Variants in PARP1 observed in about 807,000 individuals in gnomAD.
PARP1 encodes the protein poly(ADP-ribose) polymerase 1, also known as poly [ADP-ribose] polymerase 1.
A neutral mutation model predicts 118.7 loss-of-function variants in PARP1; 44 were observed. The ratio of observed to expected loss-of-function variants is 0.37; its 90% confidence interval spans 0.29 to 0.48. The LOEUF is 0.48. Ranked by LOEUF, PARP1 falls within the 20% of genes least tolerant of loss-of-function variation. The pLI is 0.99. For missense variants in PARP1, 1,100 were observed against 1,272.4 expected, an observed-to-expected ratio of 0.86 and a Z score of 2.06; for synonymous variants, 492 against 483.2, an observed-to-expected ratio of 1.02 and a Z score of -0.24.
At chr1:226,370,577 A>G in intron 14 of PARP1, 60 bp from the exon 15 acceptor site, 1 of 1,396,286 alleles carries the variant, frequency 7.2e-7, no homozygotes, top group South Asian at 1.2e-5. Flanking sequence ...ATCGCAGGAG[A>G]GCTGGACCGG....
intron 22 of PARP1, 152 bp downstream of exon 22, chr1:226,361,817 G>C: frequency 1.4e-6 from 1 of 703,430 alleles, no homozygotes; most frequent in East Asian, 2.7e-5. Context: ...CTATGCACAG[G>C]GAGGGACCAC....
At chr1:226,392,104 C>A in intron 3 of PARP1, 95 bp downstream of exon 3, 1 of 883,754 alleles carries the variant, frequency 1.1e-6, no homozygotes. Context: ...AGCTAGCACC[C>A]TAAAGCCCCC....
At chr1:226,370,677 C>G in intron 14 of PARP1, 160 bp from the exon 15 acceptor site, 1 of 683,956 alleles carries the variant, frequency 1.5e-6, no homozygotes, top group South Asian at 1.5e-5. Flanking sequence ...GAGTCTGTAG[C>G]CCCACCCCAC....
chr1:226,388,817 T>C, intron 4 of PARP1, 62 bp from the exon 5 acceptor site: 1 of 1,220,608 alleles, frequency 8.2e-7, no homozygotes, highest in Non-Finnish European at 1.2e-6. Context: ...ACCCAATGAC[T>C]TGCGGTGATG....
chr1:226,391,611 C>T (rs1664820579), intron 3 of PARP1, among the ~76,000 whole-genome samples: 1 of 152,162 alleles, frequency 6.6e-6, no homozygotes, highest in South Asian at 2.1e-4. Context: ...TTCTAAATAC[C>T]CATTGGCTCA....
In PARP1 at chr1:226,383,188, A is replaced by G. The variant is rs111969430; in HGVS notation, c.1012-5T>C. ...GTAAGAGATTTCTCGGAATTCCTAAAAAATATTAAGTTTTAGTTAAGAAGC... is the reference window on the plus strand; with the variant it reads ...GTAAGAGATTTCTCGGAATTCCTAAGAAATATTAAGTTTTAGTTAAGAAGC... On this transcript the variant is annotated splice_region_variant and splice_polypyrimidine_tract_variant and intron_variant, in intron 7 of 22. Transcript: ENST00000366794. 3 of 1,612,414 alleles carry G rather than the reference A, an allele frequency of 1.9e-6. No individual in the cohort carries two copies. The East Asian group carries it at 6.7e-5, about 36-fold the overall frequency.
chr1:226,380,997 C>T, intron 9 of PARP1, 71 bp downstream of exon 9: 1 of 1,553,606 alleles, frequency 6.4e-7, no homozygotes. Context: ...GACTCTTCCT[C>T]ACTTACTCGT....
chr1:226,393,058 G>C, intron 2 of PARP1: 2 of 1,284,396 alleles, frequency 1.6e-6, no homozygotes, highest in Non-Finnish European at 2.1e-6. Context: ...ATCTCTACTT[G>C]TAGATGATTC....
At chr1:226,382,372 C>T (rs3219068) in intron 8 of PARP1, among the ~76,000 whole-genome samples, 3,055 of 152,196 alleles carry the variant, frequency 0.02, 113 homozygotes, top group African/African-American at 0.07. Flanking sequence ...GACTGGTGGG[C>T]GCAGGGCAGC....
intron 12 of PARP1, among the ~76,000 whole-genome samples, chr1:226,378,410 A>C (rs941643035): frequency 1.3e-5 from 2 of 152,054 alleles, no homozygotes. Flanking sequence ...CCATGTTAAA[A>C]AAAAAAAAAG....
At chr1:226,369,644 A>T (rs1319833253) in intron 15 of PARP1, among the ~76,000 whole-genome samples, 1 of 152,222 alleles carries the variant, frequency 6.6e-6, no homozygotes, top group African/African-American at 2.4e-5. Flanking sequence ...GAATTCAACC[A>T]AACTCAGATA....
chr1:226,402,188 C>A, intron 2 of PARP1, 26 bp downstream of exon 2: 2 of 1,614,164 alleles, frequency 1.2e-6, no homozygotes, highest in South Asian at 1.1e-5. Flanking sequence ...GGGCTGAATG[C>A]CCATGCTGCC....
At chr1:226,407,771 G>A (rs774152625) in intron 1 of PARP1, 39 bp downstream of exon 1, 55 of 1,473,684 alleles carry the variant, frequency 3.7e-5, no homozygotes, top group Non-Finnish European at 4.7e-5. Flanking sequence ...AACCCGGGGC[G>A]CCGCGTCCCC....
At chr1:226,405,744 G>C (rs1290779742) in intron 1 of PARP1, among the ~76,000 whole-genome samples, 3 of 152,118 alleles carry the variant, frequency 2.0e-5, no homozygotes, top group Admixed American at 2.0e-4. Context: ...CTTTCCACCA[G>C]AACACGGTAC....
At chr1:226,401,930 G>C in intron 2 of PARP1, 1 of 1,417,824 alleles carries the variant, frequency 7.1e-7, no homozygotes. Context: ...GAAACTCTTT[G>C]TTCTTTGCTT....
At chr1:226,382,373 G>A (rs1046414097) in intron 8 of PARP1, among the ~76,000 whole-genome samples, 4 of 152,168 alleles carry the variant, frequency 2.6e-5, no homozygotes, top group Non-Finnish European at 4.4e-5. Flanking sequence ...ACTGGTGGGC[G>A]CAGGGCAGCC....
At position 226,383,071 on chromosome 1, in the gene PARP1, G is replaced by C; in HGVS notation, c.1124C>G (p.Ser375Trp). The change falls in exon 8 of 23, where the codon TCG (serine) becomes TGG (tryptophan). Residue 375 changes from serine (S) to tryptophan (W), a missense_variant. Coordinates refer to ENST00000366794, the MANE Select transcript of PARP1 (RefSeq NM_001618.4). ...VAATPPPSTA[S>W]APAAVNSSAS... is the part of the protein sequence containing the mutation. Reference sequence around the variant, plus strand: ...AGAGGAGTTCACAGCAGCAGGAGCCGAGGCTGTGGAGGGCGGAGGCGTGGC... The same window carrying C: ...AGAGGAGTTCACAGCAGCAGGAGCCCAGGCTGTGGAGGGCGGAGGCGTGGC... 1 of 1,612,972 alleles carries C rather than the reference G, an allele frequency of 6.2e-7. No individual in the cohort carries two copies.
chr1:226,397,191 G>A (rs957874325), intron 2 of PARP1, among the ~76,000 whole-genome samples: 3 of 151,464 alleles, frequency 2.0e-5, no homozygotes, highest in Non-Finnish European at 4.4e-5. Context: ...AAATTAGTTG[G>A]GCAACTGTAG....
In PARP1 at chr1:226,392,481, G is replaced by C. The variant is rs925385; in HGVS notation, c.287-167C>G. Among the ~76,000 whole-genome samples the C allele has an allele frequency of 8.8e-3, 1,335 of 152,316 alleles. 25 individuals are homozygous for C. The highest frequency in any genetic ancestry group is 0.031 in the African/African-American group (1,273 of 41,548). The stretch of plus-strand genomic sequence containing the variant: ...TGTCTGTTTGTAACAACCGTGGTCA[G>C]CTAATAGAGCTTCTTTTCTGGAGAT... On this transcript the variant is annotated intron_variant, in intron 2 of 22. Transcript: ENST00000366794.
Sources: gnomAD v4.1 joint callset for allele counts (sites outside exome capture counted in the v4.1 genomes callset) on GRCh38, gnomAD v4.1.1 for gene constraint, MANE v1.5 for transcripts, NCBI Gene and HGNC (gene_info 2026-07-23, HGNC 2026-07-21) for gene names.